HS1BP3: variants seen among roughly 807,000 people sequenced by gnomAD.
The protein encoded by HS1BP3 is HCLS1 binding protein 3.
A neutral mutation model predicts 33.5 loss-of-function variants in HS1BP3; 32 were observed. The observed-to-expected ratio is 0.95, with a 90% CI of 0.72 to 1.28. The LOEUF is 1.28. HS1BP3 is among the 50% of genes most tolerant of loss of function. The probability of loss-of-function intolerance (pLI) is 0.00; values close to 1 mark genes in which losing one functional copy is unlikely to be tolerated. For missense variants in HS1BP3, 486 were observed against 502.3 expected, an observed-to-expected ratio of 0.97 and a Z score of 0.31; for synonymous variants, 187 against 209.2, an observed-to-expected ratio of 0.89 and a Z score of 0.92.
At chr2:20,554,831 G>C in the HS1BP3 span, among the ~76,000 whole-genome samples, 2 of 151,966 alleles carry the variant, frequency 1.3e-5, no homozygotes, top group Non-Finnish European at 2.9e-5. Context: ...ATTTACCTTA[G>C]AGTGCTTCTT....
chr2:20,620,260 G>A (rs56224950), intron 6 of HS1BP3, among the ~76,000 whole-genome samples: 1 of 152,244 alleles, frequency 6.6e-6, no homozygotes, highest in Non-Finnish European at 1.5e-5. Flanking sequence ...TTACAGCTGA[G>A]AATACTGAGG....
chr2:20,611,027 A>G lies in HS1BP3; in HGVS notation c.179-12762T>C, dbSNP rs1694308750. On this transcript the variant is annotated intron_variant, in intron 2 of 3. Transcript: ENST00000415264. This position sits in a 1 kb window ranked among gnomAD's most constrained non-coding sequence, Gnocchi z 4.9. ...CTGTCACTACAATTTTGCCTTTTCTAGGGTTTCATATATGTGGGATCATAC... is the reference window on the plus strand; with the variant it reads ...CTGTCACTACAATTTTGCCTTTTCTGGGGTTTCATATATGTGGGATCATAC... 6.6e-6 allele frequency among the ~76,000 whole-genome samples: 1 copy of G among 152,140 alleles called. No individual in the cohort carries two copies. The highest frequency in any genetic ancestry group is 1.5e-5 in the Non-Finnish European group (1 of 68,020).
chr2:20,614,348 G>C (rs1419993010), downstream of HS1BP3, among the ~76,000 whole-genome samples: 1 of 152,234 alleles, frequency 6.6e-6, no homozygotes, highest in East Asian at 1.9e-4. Context: ...GCAGCTCCAG[G>C]AAATGGAACA....
chr2:20,629,693 G>C (rs1464003750), intron 4 of HS1BP3, among the ~76,000 whole-genome samples: 1 of 152,232 alleles, frequency 6.6e-6, no homozygotes, highest in Non-Finnish European at 1.5e-5. Context: ...GGCATGTGCT[G>C]GCATGTTCTT....
downstream of HS1BP3, among the ~76,000 whole-genome samples, chr2:20,556,712 A>G (rs959090286): frequency 2.2e-4 from 33 of 152,212 alleles, no homozygotes; most frequent in African/African-American, 7.2e-4. Flanking sequence ...TGCACACGCC[A>G]TCAGCTTCTC....
intron 5 of HS1BP3, among the ~76,000 whole-genome samples, chr2:20,585,278 G>A (rs1250845223): frequency 3.9e-5 from 6 of 152,078 alleles, no homozygotes; most frequent in East Asian, 1.9e-4. Flanking sequence ...AGAGCTCAGC[G>A]CTAGGCTGAG....
At position 20,602,214 on chromosome 2, in the gene HS1BP3, G is replaced by A. The variant is rs1694086291; in HGVS notation, c.179-3949C>T. Among the ~76,000 whole-genome samples, 4 of 151,614 alleles carry A rather than the reference G, an allele frequency of 2.6e-5. No homozygotes were observed. The South Asian group carries it at 8.4e-4, about 32-fold the overall frequency. On this transcript the variant is annotated intron_variant, in intron 2 of 3. Transcript: ENST00000415264. ...ACATTCTCCTTTTAGGAGGAGCCAT[G>A]CGGGGGGAATTTATTTCTGGCCTCT...
chr2:20,642,632 CG>C (rs1445203948), intron 2 of HS1BP3, among the ~76,000 whole-genome samples: 4 of 152,228 alleles, frequency 2.6e-5, no homozygotes, highest in African/African-American at 9.6e-5. Flanking sequence ...TATCCAGGCT[CG>C]GGGAACCTCC....
At chr2:20,634,479 C>G (rs1195263007) in intron 4 of HS1BP3, among the ~76,000 whole-genome samples, 1 of 152,206 alleles carries the variant, frequency 6.6e-6, no homozygotes, top group South Asian at 2.1e-4. Flanking sequence ...CTGGAATGAA[C>G]AAAGAGGTGC....
chr2:20,640,439 G>A (rs1460391633), intron 3 of HS1BP3: 12 of 241,964 alleles, frequency 5.0e-5, no homozygotes, highest in Admixed American at 2.1e-4. Context: ...AGGGCTTGAC[G>A]TCTCCACCAC....
intron 2 of HS1BP3, among the ~76,000 whole-genome samples, chr2:20,604,483 C>G (rs1457869369): frequency 6.6e-6 from 1 of 152,226 alleles, no homozygotes; most frequent in African/African-American, 2.4e-5. Flanking sequence ...GAGCCTGGCT[C>G]AGTGGCCTCT....
At chr2:20,608,524 T>C (rs902461572) in intron 2 of HS1BP3, among the ~76,000 whole-genome samples, 2 of 138,794 alleles carry the variant, frequency 1.4e-5, no homozygotes, top group Non-Finnish European at 1.5e-5. Flanking sequence ...CAGTGAGCCA[T>C]GATTGCACCA....
chr2:20,576,181 G>A (rs1273441783), intron 5 of HS1BP3, among the ~76,000 whole-genome samples: 4 of 152,182 alleles, frequency 2.6e-5, no homozygotes, highest in South Asian at 2.1e-4. Flanking sequence ...GGATCTCACC[G>A]TGTTGTCCAG....
intron 6 of HS1BP3, among the ~76,000 whole-genome samples, chr2:20,620,624 A>G (rs1694566471): frequency 1.3e-5 from 2 of 151,780 alleles, no homozygotes; most frequent in South Asian, 4.2e-4. Context: ...TCACCCTGCA[A>G]CTCCTCCATC....
At position 20,618,689 on chromosome 2, in the gene HS1BP3, T is replaced by A; in HGVS notation, c.*298A>T. ...ACATGTCTTGCTTCATCCTTGGGGC[T>A]GGGCTTCTGGTTGGCAAGGCATCCC... On this transcript the variant is annotated 3_prime_UTR_variant, in exon 7 of 7. Transcript: ENST00000304031. 1 of 1,238,864 alleles carries A rather than the reference T, an allele frequency of 8.1e-7. No individual in the cohort carries two copies. The highest frequency in any genetic ancestry group is 2.7e-5 in the South Asian group (1 of 37,582). 76.7% of individuals were successfully genotyped at this position (1,238,864 alleles called of 1,614,324 possible).
chr2:20,591,114 C>G (rs1228211142), downstream of HS1BP3: 1 of 167,288 alleles, frequency 6.0e-6, no homozygotes. Context: ...CTGGAGCCAG[C>G]CAGCCAGGCC....
Position 20,638,468 on chromosome 2 carries a change from C to G in HS1BP3, c.591G>C (p.Glu197Asp), listed in dbSNP as rs532633284. 3 of 1,614,240 alleles carry G rather than the reference C, an allele frequency of 1.9e-6. No individual in the cohort carries two copies. The highest frequency in any genetic ancestry group is 1.7e-5 in the Admixed American group (1 of 60,032). The change falls in exon 4 of 7, where the codon GAG (glutamate) becomes GAC (aspartate). Residue 197 changes from glutamate (E) to aspartate (D), a missense_variant. Transcript: ENST00000304031. ...KGEDAEESLE[E>D]EEALDPLGIM... ...TGCCCAGAGGGTCCAGCGCCTCCTC[C>G]TCCTCCAAGGATTCCTCAGCATCCT...
Position 20,611,980 on chromosome 2 carries a change from A to T in HS1BP3, c.178+11916T>A, listed in dbSNP as rs1344653908. Reference sequence around the variant, plus strand: ...AGAGAGGGAGTACTCAAACTCTAGGATTCCTCATAGCCCAATAGACAGCAG... The same window carrying T: ...AGAGAGGGAGTACTCAAACTCTAGGTTTCCTCATAGCCCAATAGACAGCAG... On this transcript the variant is annotated intron_variant, in intron 2 of 3. Coordinates refer to the HS1BP3 transcript ENST00000415264. This position sits in a 1 kb window ranked among gnomAD's most constrained non-coding sequence, Gnocchi z 4.9. Among the ~76,000 whole-genome samples, 5 of 152,234 alleles carry T rather than the reference A, an allele frequency of 3.3e-5. No individual in the cohort carries two copies. Among genetic ancestry groups the T allele is most frequent in the Admixed American group, 6.5e-5 (1 of 15,290 alleles).
At position 20,651,069 on chromosome 2, in the gene HS1BP3, C is replaced by A; in HGVS notation, c.-6G>T. ...AGCACCGCCGGGGACTGCATGACGGCGGCGGGGACTCCGGGCGGGGCGCGC... is the reference window on the plus strand; with the variant it reads ...AGCACCGCCGGGGACTGCATGACGGAGGCGGGGACTCCGGGCGGGGCGCGC... On this transcript the variant is annotated 5_prime_UTR_variant, in exon 1 of 7. Transcript: ENST00000304031. 1 of 1,233,344 alleles carries A rather than the reference C, an allele frequency of 8.1e-7. No individual in the cohort carries two copies. 76.4% of individuals were successfully genotyped at this position (1,233,344 alleles called of 1,614,324 possible). A position where few individuals can be genotyped will look rare whatever the true frequency, so the allele number is the denominator to read the frequency against.
Sources: allele counts gnomAD v4.1 joint callset (sites outside exome capture counted in the v4.1 genomes callset), GRCh38; gene constraint gnomAD v4.1.1; non-coding constraint Gnocchi (gnomAD v3.1); transcripts MANE v1.5; gene names NCBI Gene and HGNC (gene_info 2026-07-23, HGNC 2026-07-21).